The following NCKAP5 variants were observed in gnomAD, a reference collection of about 807,000 sequenced individuals.
NCKAP5 encodes nck-associated protein 5.
NCKAP5 carries 92 observed loss-of-function variants against 167.0 expected under a neutral mutation model. That is an observed-to-expected ratio of 0.55 (90% CI 0.47 to 0.66). The LOEUF is 0.66. Ranked by LOEUF, NCKAP5 falls within the 30% of genes least tolerant of loss-of-function variation. The pLI is 0.00. For missense variants in NCKAP5, 2,378 were observed against 2,315.0 expected (o/e 1.03, Z -0.56); for synonymous variants, 891 against 877.4 (o/e 1.02, Z -0.27).
intron 3 of NCKAP5, among the ~76,000 whole-genome samples, chr2:133,360,108 C>T (rs1032348419): frequency 2.6e-5 from 4 of 152,266 alleles, no homozygotes; most frequent in Non-Finnish European, 5.9e-5. Context: ...TGAGACAATG[C>T]ACATGAATCT....
chr2:133,604,944 G>A, the NCKAP5 span, among the ~76,000 whole-genome samples: 1 of 152,186 alleles, frequency 6.6e-6, no homozygotes, highest in African/African-American at 2.4e-5. Context: ...TTTGCTGGCT[G>A]TACAAGACAC....
At chr2:133,480,601 C>T (rs188548186) in intron 3 of NCKAP5, among the ~76,000 whole-genome samples, 4 of 152,342 alleles carry the variant, frequency 2.6e-5, no homozygotes, top group African/African-American at 7.2e-5. Flanking sequence ...AATGGTGTCT[C>T]TTCAATCCCT....
At chr2:132,702,137 C>A (rs772832675) in intron 19 of NCKAP5, among the ~76,000 whole-genome samples, 3 of 152,104 alleles carry the variant, frequency 2.0e-5, no homozygotes, top group Non-Finnish European at 2.9e-5. Context: ...TACTCCCATC[C>A]AGATTAAAAT....
intron 2 of NCKAP5, among the ~76,000 whole-genome samples, chr2:133,528,078 C>G (rs573865440): frequency 2.6e-5 from 4 of 151,974 alleles, no homozygotes; most frequent in Admixed American, 2.6e-4. Flanking sequence ...ACAAAACAAA[C>G]AAACAAACAA....
chr2:133,018,116 G>C (rs1046622379), intron 6 of NCKAP5, among the ~76,000 whole-genome samples: 3 of 152,078 alleles, frequency 2.0e-5, no homozygotes, highest in African/African-American at 4.8e-5. Context: ...TCACATTGTT[G>C]TCTCCCATAG....
rs984065561 is a variant in NCKAP5, at chr2:133,137,442, G to T, written c.208-7331C>A. 3.4e-5 allele frequency among the ~76,000 whole-genome samples: 5 copies of T among 145,536 alleles called. No individual in the cohort carries two copies. The South Asian group carries it at 1.1e-3, about 31-fold the overall frequency. ...TGTGTGTGTGTGTGTGTGTGTGTGT[G>T]TGTGTGTGTTTTGGAAAAGAAAGGA... On this transcript the variant is annotated intron_variant, in intron 5 of 19. Coordinates refer to ENST00000409261, the MANE Select transcript of NCKAP5 (RefSeq NM_207363.3).
At chr2:132,953,563 T>C (rs1372052267) in intron 8 of NCKAP5, among the ~76,000 whole-genome samples, 1 of 152,090 alleles carries the variant, frequency 6.6e-6, no homozygotes, top group Non-Finnish European at 1.5e-5. Flanking sequence ...CTGTATCTCT[T>C]TGTAATTCCA....
At chr2:133,053,019 A>G (rs936652868) in intron 6 of NCKAP5, among the ~76,000 whole-genome samples, 1 of 152,164 alleles carries the variant, frequency 6.6e-6, no homozygotes, top group African/African-American at 2.4e-5. Flanking sequence ...GAGATAAAAA[A>G]CATAGAAAAG....
chr2:132,746,720 G>A (rs1009875178), intron 16 of NCKAP5, among the ~76,000 whole-genome samples: 1 of 152,020 alleles, frequency 6.6e-6, no homozygotes, highest in Admixed American at 6.6e-5. Flanking sequence ...CTATCAAATT[G>A]TTTATCAGCC....
In NCKAP5 at chr2:133,095,855, T is replaced by C. The variant is rs550738592; in HGVS notation, c.341+34123A>G. 4.6e-5 allele frequency among the ~76,000 whole-genome samples: 7 copies of C among 152,306 alleles called. No individual in the cohort carries two copies. In the South Asian group the frequency reaches 1.2e-3, roughly 27 times the overall value. Reference sequence around the variant, plus strand: ...CTGGACCATACGAAATTGCCATTTCTATAAGTGAAAACTGGTCTAATATCA... The same window carrying C: ...CTGGACCATACGAAATTGCCATTTCCATAAGTGAAAACTGGTCTAATATCA... On this transcript the variant is annotated intron_variant, in intron 6 of 19. Coordinates refer to ENST00000409261, the MANE Select transcript of NCKAP5 (RefSeq NM_207363.3).
At chr2:133,270,763 C>A (rs1009298950) in intron 4 of NCKAP5, among the ~76,000 whole-genome samples, 3 of 152,132 alleles carry the variant, frequency 2.0e-5, no homozygotes, top group African/African-American at 7.2e-5. Context: ...TTGCTTCCCT[C>A]CGACTGATTG....
chr2:132,799,339 C>G lies in NCKAP5; in HGVS notation c.808-2610G>C, dbSNP rs2105187738. 1.3e-5 allele frequency among the ~76,000 whole-genome samples: 2 copies of G among 152,020 alleles called. 1 individual carries two copies. The highest frequency in any genetic ancestry group is 4.2e-4 in the South Asian group (2 of 4,814). On this transcript the variant is annotated intron_variant, in intron 11 of 19. Transcript: ENST00000409261. ...CGGTGATGGGACCTGCATCCAAAAC[C>G]CAGCATCATGCGATATACCCACGGA...
chr2:133,099,105 C>A (rs2081426523), intron 6 of NCKAP5, among the ~76,000 whole-genome samples: 1 of 151,964 alleles, frequency 6.6e-6, no homozygotes, highest in Admixed American at 6.5e-5. Context: ...TTCTAAGTAC[C>A]GTATTGGGCA....
chr2:133,390,272 A>G (rs1323943859), intron 3 of NCKAP5, among the ~76,000 whole-genome samples: 1 of 152,110 alleles, frequency 6.6e-6, no homozygotes. Flanking sequence ...AGTGTCTTCT[A>G]TTTTACAACC....
intron 8 of NCKAP5, among the ~76,000 whole-genome samples, chr2:132,938,436 A>G (rs1392905381): frequency 6.6e-6 from 1 of 152,130 alleles, no homozygotes; most frequent in African/African-American, 2.4e-5. Context: ...ATGACCCATG[A>G]ATGGTTAAGG....
chr2:133,576,923 C>G, the NCKAP5 span, among the ~76,000 whole-genome samples: 1 of 152,192 alleles, frequency 6.6e-6, no homozygotes, highest in African/African-American at 2.4e-5. Flanking sequence ...CAGAGCCTTT[C>G]CTGTAATACA....
chr2:132,968,885 C>T (rs12619661), intron 7 of NCKAP5, among the ~76,000 whole-genome samples: 32,372 of 151,910 alleles, frequency 0.21, 4,490 homozygotes, highest in East Asian at 0.51. Flanking sequence ...ATGAGGTTGT[C>T]TGAAGAACTA....
intron 3 of NCKAP5, among the ~76,000 whole-genome samples, chr2:133,374,938 T>C (rs539442811): frequency 1.3e-3 from 192 of 152,274 alleles, no homozygotes; most frequent in Non-Finnish European, 2.5e-3. Flanking sequence ...CTCAGAAGAC[T>C]CTTGAAATTC....
intron 3 of NCKAP5, among the ~76,000 whole-genome samples, chr2:133,456,035 T>A (rs1210157897): frequency 6.6e-6 from 1 of 152,186 alleles, no homozygotes; most frequent in African/African-American, 2.4e-5. Flanking sequence ...GTGTGCCATA[T>A]CTTGTTAGAT....
Sources: allele counts gnomAD v4.1 joint callset (sites outside exome capture counted in the v4.1 genomes callset), GRCh38; gene constraint gnomAD v4.1.1; transcripts MANE v1.5; gene names NCBI Gene and HGNC (gene_info 2026-07-23, HGNC 2026-07-21).